KCNC2: variants seen among roughly 807,000 people sequenced by gnomAD.
KCNC2 encodes the protein voltage-gated potassium channel KCNC2.
In KCNC2, 21 loss-of-function variants were observed where a neutral mutation model predicts 44.5. The observed-to-expected ratio is 0.47, with a 90% CI of 0.33 to 0.68. The LOEUF (loss-of-function observed/expected upper bound fraction) is 0.68. Ranked by LOEUF, KCNC2 falls within the 30% of genes least tolerant of loss-of-function variation. The pLI is 0.01. For synonymous variants in KCNC2, 391 were observed against 339.1 expected, an observed-to-expected ratio of 1.15 and a Z score of -1.68; for missense variants, 589 against 826.2, an observed-to-expected ratio of 0.71 and a Z score of 3.52.
intron 2 of KCNC2, among the ~76,000 whole-genome samples, chr12:75,162,045 G>A (rs1891156099): frequency 6.6e-6 from 1 of 151,472 alleles, no homozygotes; most frequent in South Asian, 2.1e-4. Context: ...AGTGTTAAGT[G>A]AGGTTCTATT....
chr12:75,160,475 C>T (rs1891049813), intron 2 of KCNC2, among the ~76,000 whole-genome samples: 2 of 151,792 alleles, frequency 1.3e-5, no homozygotes, highest in African/African-American at 2.4e-5. Context: ...AATCACACAG[C>T]CAGTAAGTTC....
intron 4 of KCNC2, 67 bp from the exon 5 acceptor site, chr12:75,043,308 T>G: frequency 6.4e-7 from 1 of 1,560,774 alleles, no homozygotes; most frequent in South Asian, 1.2e-5. Context: ...AATAATACCA[T>G]GCAGGGCAAT....
rs528141568 is a variant in KCNC2 at position 75,109,913 on chromosome 12, G to T, written c.688-58596C>A. On this transcript the variant is annotated intron_variant, in intron 2 of 4. Transcript: ENST00000549446. Reference sequence around the variant, plus strand: ...AAATCTAATTTTTTTTAAATTGGTAGAGGAAATGAAAGAGAAGATGACAAC... The same window carrying T: ...AAATCTAATTTTTTTTAAATTGGTATAGGAAATGAAAGAGAAGATGACAAC... 3.3e-5 allele frequency among the ~76,000 whole-genome samples: 5 copies of T among 152,116 alleles called. No homozygotes were observed. In the South Asian group the frequency reaches 1.0e-3, roughly 32 times the overall value.
intron 2 of KCNC2, among the ~76,000 whole-genome samples, chr12:75,149,598 TATTGAGC>T (rs2137455152): frequency 6.6e-6 from 1 of 151,970 alleles, no homozygotes; most frequent in Non-Finnish European, 1.5e-5. Flanking sequence ...TCAAATCTTA[TATTGAGC>T]ATCTTTAATC....
At chr12:75,053,663 T>C (rs1318769062) in intron 2 of KCNC2, among the ~76,000 whole-genome samples, 9 of 150,962 alleles carry the variant, frequency 6.0e-5, no homozygotes, top group Non-Finnish European at 1.3e-4. Flanking sequence ...AAGTACTTTG[T>C]AAATTTGCCA....
At chr12:75,071,727 G>A (rs932293670) in intron 2 of KCNC2, among the ~76,000 whole-genome samples, 2 of 151,940 alleles carry the variant, frequency 1.3e-5, no homozygotes, top group African/African-American at 2.4e-5. Context: ...CAAGGCGGGC[G>A]GATCACGAGG....
chr12:75,051,819 A>G (rs12311125), intron 2 of KCNC2, among the ~76,000 whole-genome samples: 5,002 of 152,138 alleles, frequency 0.033, 285 homozygotes, highest in African/African-American at 0.11. Context: ...TGGATATCGT[A>G]TGGTAACAGC....
At chr12:75,066,726 A>C (rs1882867218) in intron 2 of KCNC2, among the ~76,000 whole-genome samples, 1 of 152,240 alleles carries the variant, frequency 6.6e-6, no homozygotes, top group Non-Finnish European at 1.5e-5. Context: ...ATGAATTACA[A>C]ATAAATAAAG....
chr12:75,152,888 TGTA>T (rs1004368481), intron 2 of KCNC2, among the ~76,000 whole-genome samples: 1 of 151,940 alleles, frequency 6.6e-6, no homozygotes, highest in African/African-American at 2.4e-5. Context: ...GAAAAACAGT[TGTA>T]GTACACACAA....
intron 2 of KCNC2, among the ~76,000 whole-genome samples, chr12:75,155,243 A>T (rs1447129854): frequency 6.6e-6 from 1 of 151,924 alleles, no homozygotes; most frequent in Non-Finnish European, 1.5e-5. Flanking sequence ...TTATAAACTG[A>T]GTAAATTGTA....
At chr12:75,172,611 A>G (rs979984186) in intron 2 of KCNC2, among the ~76,000 whole-genome samples, 3 of 151,902 alleles carry the variant, frequency 2.0e-5, no homozygotes, top group African/African-American at 4.8e-5. Flanking sequence ...TGATAAGTCA[A>G]TTCATCAAGG....
chr12:75,156,333 C>T (rs2137497372), intron 2 of KCNC2, among the ~76,000 whole-genome samples: 1 of 151,542 alleles, frequency 6.6e-6, no homozygotes, highest in Non-Finnish European at 1.5e-5. Context: ...TTTTATGACA[C>T]AGAAAAAGGA....
intron 2 of KCNC2, among the ~76,000 whole-genome samples, chr12:75,150,047 T>A (rs1890282767): frequency 6.6e-6 from 1 of 151,864 alleles, no homozygotes; most frequent in Non-Finnish European, 1.5e-5. Context: ...CCTGAAGTCA[T>A]TTGATTATAC....
At chr12:75,099,980 A>C (rs1412374308) in intron 2 of KCNC2, among the ~76,000 whole-genome samples, 4 of 151,750 alleles carry the variant, frequency 2.6e-5, no homozygotes, top group African/African-American at 4.8e-5. Flanking sequence ...TTGTTTTTTC[A>C]GAACCTCTGG....
chr12:75,117,760 G>T (rs1887775776), intron 2 of KCNC2, among the ~76,000 whole-genome samples: 1 of 151,772 alleles, frequency 6.6e-6, no homozygotes, highest in Non-Finnish European at 1.5e-5. Context: ...ATTTATAATG[G>T]CATGTAAATA....
At chr12:75,181,629 TAA>T (rs1393636100) in intron 2 of KCNC2, among the ~76,000 whole-genome samples, 2 of 152,180 alleles carry the variant, frequency 1.3e-5, no homozygotes, top group Admixed American at 6.5e-5. Flanking sequence ...AGAAAACTAA[TAA>T]GAGTATAATG....
At chr12:75,068,585 C>T (rs924091500) in intron 2 of KCNC2, among the ~76,000 whole-genome samples, 1 of 151,888 alleles carries the variant, frequency 6.6e-6, no homozygotes, top group Non-Finnish European at 1.5e-5. Flanking sequence ...GTGTCTTATT[C>T]CTATAGGAAT....
intron 2 of KCNC2, among the ~76,000 whole-genome samples, chr12:75,191,538 T>A (rs1482056590): frequency 0.059 from 2,262 of 38,186 alleles, 67 homozygotes; most frequent in Admixed American, 0.19. Context: ...TTTTTTTTTT[T>A]TTTTTTTTTT....
At position 75,184,886 on chromosome 12, in the gene KCNC2, C is replaced by T. The variant is rs555141459; in HGVS notation, c.687+22411G>A. Among the ~76,000 whole-genome samples the T allele has an allele frequency of 5.9e-5, 9 of 152,234 alleles. No homozygotes were observed. In the South Asian group the frequency reaches 1.9e-3, roughly 32 times the overall value. On this transcript the variant is annotated intron_variant, in intron 2 of 4. Transcript: ENST00000549446. ...ATTAAATAATTATGGTGGTTACTTG[C>T]CTACTCCTCACTATTCAGAACCAGG...
Sources: allele counts gnomAD v4.1 joint callset (sites outside exome capture counted in the v4.1 genomes callset), GRCh38; gene constraint gnomAD v4.1.1; transcripts MANE v1.5; gene names NCBI Gene and HGNC (gene_info 2026-07-23, HGNC 2026-07-21).